OR7C1: variants seen among roughly 807,000 people sequenced by gnomAD.
The protein encoded by OR7C1 is olfactory receptor 7C1.
For missense variants in OR7C1, 324 were observed against 383.3 expected, an observed-to-expected ratio of 0.85 and a Z score of 1.29; for synonymous variants, 152 against 160.7, an observed-to-expected ratio of 0.95 and a Z score of 0.41.
chr19:14,800,706 G>A (rs2044637431), exon 3 of OR7C1: 1 of 152,242 alleles, frequency 6.6e-6, no homozygotes, highest in African/African-American at 2.4e-5. Context: ...TTTTCAAGAT[G>A]GTGGCTCCAT....
At chr19:14,827,070 A>G in intron 1 of OR7C1, 2 of 417,116 alleles carry the variant, frequency 4.8e-6, no homozygotes, top group Non-Finnish European at 8.2e-6. Flanking sequence ...AACCTTGAGA[A>G]AGTAGGAAAA....
chr19:14,818,348 C>T (rs1454792423), intron 1 of OR7C1, among the ~76,000 whole-genome samples: 1 of 152,112 alleles, frequency 6.6e-6, no homozygotes, highest in Non-Finnish European at 1.5e-5. Context: ...CCCGTCTCTG[C>T]CTCCCAAAGT....
intron 2 of OR7C1, among the ~76,000 whole-genome samples, chr19:14,806,630 A>T (rs1370291469): frequency 2.0e-5 from 3 of 151,802 alleles, no homozygotes; most frequent in Admixed American, 6.6e-5. Flanking sequence ...TGAGAACATG[A>T]GGTGTTTGGT....
At chr19:14,833,106 T>G (rs1309620632) in intron 1 of OR7C1, among the ~76,000 whole-genome samples, 2 of 152,232 alleles carry the variant, frequency 1.3e-5, no homozygotes, top group Admixed American at 1.3e-4. Context: ...ATAAATGCTG[T>G]CATAAACAGC....
chr19:14,829,736 C>T (rs1254119090), intron 1 of OR7C1, among the ~76,000 whole-genome samples: 1 of 152,144 alleles, frequency 6.6e-6, no homozygotes, highest in Non-Finnish European at 1.5e-5. Flanking sequence ...CTCTTTATTT[C>T]CTTCTGGTGT....
At chr19:14,826,613 A>G (rs2145074747) in intron 1 of OR7C1, 1 of 152,310 alleles carries the variant, frequency 6.6e-6, no homozygotes. Flanking sequence ...TTACTCCATC[A>G]TATTTAAGGT....
intron 1 of OR7C1, among the ~76,000 whole-genome samples, chr19:14,829,886 A>G (rs769577926): frequency 6.6e-5 from 10 of 152,150 alleles, no homozygotes; most frequent in African/African-American, 9.7e-5. Context: ...CACATGCAGC[A>G]CACTGGCCGA....
At chr19:14,834,588 C>T (rs375290044) in intron 1 of OR7C1, among the ~76,000 whole-genome samples, 2 of 152,156 alleles carry the variant, frequency 1.3e-5, no homozygotes, top group Non-Finnish European at 2.9e-5. Context: ...GCAAAATATA[C>T]GCATTATGAA....
intron 1 of OR7C1, chr19:14,827,879 G>A: frequency 1.2e-6 from 2 of 1,614,196 alleles, no homozygotes; most frequent in South Asian, 2.2e-5. Flanking sequence ...CCACAAACCG[G>A]TCATAGGCCA....
chr19:14,799,297 C>G (rs1458881551), exon 5 of OR7C1: 1 of 1,614,022 alleles, frequency 6.2e-7, no homozygotes, highest in Admixed American at 1.7e-5. Context: ...TGGGGGTGAC[C>G]ATGGTGTACA....
rs180959233 is a variant in OR7C1 at position 14,805,178 on chromosome 19, G to A, written c.-434-4414C>T. 6.1e-4 allele frequency among the ~76,000 whole-genome samples: 93 copies of A among 151,762 alleles called. 2 individuals are homozygous for A. Among genetic ancestry groups the A allele is most frequent in the Middle Eastern group, 6.8e-3 (2 of 294 alleles). On this transcript the variant is annotated intron_variant, in intron 2 of 4. Coordinates refer to ENST00000641666, the Ensembl canonical transcript of OR7C1. ...TTTCTTGTTCAGCTTTGATCACTAC[G>A]CTGCAGAATGCCCAAAGAAGGTCCC...
intron 1 of OR7C1, among the ~76,000 whole-genome samples, chr19:14,816,617 C>G (rs138694862): frequency 6.0e-4 from 92 of 152,268 alleles, no homozygotes; most frequent in African/African-American, 2.2e-3. Context: ...TATTGGCTTC[C>G]CTAATTTTGA....
chr19:14,815,227 G>A (rs966364322), intron 1 of OR7C1, among the ~76,000 whole-genome samples: 6 of 152,162 alleles, frequency 3.9e-5, no homozygotes, highest in African/African-American at 1.2e-4. Context: ...GCTCTGGCTC[G>A]TCTACAGAGG....
intron 2 of OR7C1, among the ~76,000 whole-genome samples, chr19:14,804,679 C>T (rs1026982640): frequency 4.0e-5 from 6 of 151,660 alleles, no homozygotes; most frequent in East Asian, 1.9e-4. Flanking sequence ...GATAACGAGT[C>T]GCAGGGACTG....
chr19:14,828,197 CAGA>C (rs757894280), intron 1 of OR7C1: 9 of 1,613,070 alleles, frequency 5.6e-6, no homozygotes, highest in African/African-American at 1.3e-5. Context: ...GTGAAAATCC[CAGA>C]AGAAGAAATT....
intron 1 of OR7C1, among the ~76,000 whole-genome samples, chr19:14,832,270 T>C (rs1417823742): frequency 6.6e-6 from 1 of 152,158 alleles, no homozygotes; most frequent in South Asian, 2.1e-4. Flanking sequence ...CTTATGACAT[T>C]GCATCATGCA....
intron 1 of OR7C1, among the ~76,000 whole-genome samples, chr19:14,832,132 A>G (rs762973087): frequency 2.6e-5 from 4 of 151,378 alleles, no homozygotes; most frequent in Non-Finnish European, 5.9e-5. Context: ...CTGGTCTCAA[A>G]CTCTTGGCTT....
At chr19:14,807,895 CA>C (rs371693293) in intron 2 of OR7C1, among the ~76,000 whole-genome samples, 19 of 136,198 alleles carry the variant, frequency 1.4e-4, no homozygotes, top group East Asian at 6.4e-4. Flanking sequence ...GACTCAGTCT[CA>C]AAAAAAAAAA....
chr19:14,834,385 T>A (rs2044864330), intron 1 of OR7C1, among the ~76,000 whole-genome samples: 1 of 152,206 alleles, frequency 6.6e-6, no homozygotes, highest in Admixed American at 6.5e-5. Flanking sequence ...CTGGGCTAGA[T>A]CACTCTCTTT....
Sources: allele counts gnomAD v4.1 joint callset (sites outside exome capture counted in the v4.1 genomes callset), GRCh38; gene constraint gnomAD v4.1.1; transcripts MANE v1.5; gene names NCBI Gene and HGNC (gene_info 2026-07-23, HGNC 2026-07-21).